WDR77: variants seen among roughly 807,000 people sequenced by gnomAD.
WDR77 encodes methylosome protein WDR77.
A neutral mutation model predicts 44.0 loss-of-function variants in WDR77; 31 were observed. The observed-to-expected ratio is 0.70, with a 90% CI of 0.53 to 0.95. WDR77 has a LOEUF of 0.95. WDR77 is among the 40% of genes least tolerant of loss of function. The pLI, the probability that WDR77 is intolerant of heterozygous loss-of-function variation, is 0.00. For missense variants in WDR77, 390 were observed against 423.9 expected (o/e 0.92, Z 0.70); for synonymous variants, 186 against 165.7 (o/e 1.12, Z -0.94).
At chr1:111,447,923 C>T (rs1277167097) in intron 2 of WDR77, among the ~76,000 whole-genome samples, 1 of 152,354 alleles carries the variant, frequency 6.6e-6, no homozygotes, top group East Asian at 1.9e-4. Context: ...AAGCAGCACA[C>T]TATCCAGTGA....
chr1:111,442,455 A>G (rs1652854016), intron 8 of WDR77, among the ~76,000 whole-genome samples, 198 bp downstream of exon 8: 1 of 152,142 alleles, frequency 6.6e-6, no homozygotes, highest in Admixed American at 6.5e-5. Flanking sequence ...TCAGACAGAA[A>G]CCATCTAATC....
At position 111,441,994 on chromosome 1, in the gene WDR77, T is replaced by C. The variant is rs758195695; in HGVS notation, c.869+31A>G. On this transcript the variant is annotated intron_variant, in intron 9 of 9. Transcript: ENST00000235090. ...TCGCCCACCCACTGCTCCCCTTCCCTGATTCCCAAAGGATTCCACTTCACA... is the reference window on the plus strand; with the variant it reads ...TCGCCCACCCACTGCTCCCCTTCCCCGATTCCCAAAGGATTCCACTTCACA... 9.3e-6 allele frequency: 15 copies of C among 1,606,290 alleles called. No homozygotes were observed. The East Asian group carries it at 2.9e-4, about 31-fold the overall frequency.
Position 111,448,627 on chromosome 1 carries a change from G to T in WDR77, c.293C>A (p.Ser98Tyr), listed in dbSNP as rs2101749787. 1 of 1,614,124 alleles carries T rather than the reference G, an allele frequency of 6.2e-7. No individual in the cohort carries two copies. The highest frequency in any genetic ancestry group is 1.1e-5 in the South Asian group (1 of 91,076). ...ATGGGATAGTGACTCACCTGAATCG[G>T]AGGCCACTAGAATACCTCTCTCCCC... The part of the protein sequence containing the change: ...WVGERGILVA[S>Y]DSGAVELWEL... Residue 98 changes from serine to tyrosine, a missense_variant, in exon 2 of 10, where the codon TCC becomes TAC. Coordinates refer to ENST00000235090, the MANE Select transcript of WDR77 (RefSeq NM_024102.4).
chr1:111,449,215 G>A lies in WDR77; in HGVS notation c.-46C>T, dbSNP rs751741504. ...CCTAGACTCAAACTGGACGCCGGCC[G>A]GAGACTCCGCTCCGGCAGCAAACCC... On this transcript the variant is annotated 5_prime_UTR_variant, in exon 1 of 10. Transcript: ENST00000235090. 3.3e-6 allele frequency: 5 copies of A among 1,537,720 alleles called. No individual in the cohort carries two copies. Among genetic ancestry groups the A allele is most frequent in the South Asian group, 1.2e-5 (1 of 84,452 alleles).
chr1:111,443,375 G>A lies in WDR77; in HGVS notation c.639C>T (p.Tyr213=). ...ASQIGCSAPG[Y]LPTSLAWHPQ... is the part of the protein sequence containing the mutation. Reference sequence around the variant, plus strand: ...GATGCCAAGCCAGCGAGGTAGGAAGGTAGCCAGGCGCACTGCAGCCTGCAA... The same window carrying A: ...GATGCCAAGCCAGCGAGGTAGGAAGATAGCCAGGCGCACTGCAGCCTGCAA... The change falls in exon 7 of 10, where the codon TAC becomes TAT. Residue 213 remains tyrosine, a synonymous_variant. Coordinates refer to ENST00000235090, the MANE Select transcript of WDR77 (RefSeq NM_024102.4). The A allele has an allele frequency of 6.4e-7, 1 of 1,552,472 alleles. No individual in the cohort carries two copies. Among genetic ancestry groups the A allele is most frequent in the Non-Finnish European group, 8.7e-7 (1 of 1,147,344 alleles).
At chr1:111,443,825 G>A (rs1652911422) in intron 6 of WDR77, 42 bp downstream of exon 6, 1 of 1,613,426 alleles carries the variant, frequency 6.2e-7, no homozygotes, top group Non-Finnish European at 8.5e-7. Context: ...CTTCTATCAG[G>A]GTTCCAAGTA....
intron 9 of WDR77, chr1:111,441,703 T>G: frequency 1.3e-6 from 1 of 758,088 alleles, no homozygotes; most frequent in Non-Finnish European, 1.9e-6. Flanking sequence ...CCTTTTACCC[T>G]GTAGCAGGCT....
chr1:111,443,308 G>T lies in WDR77; in HGVS notation c.691+15C>A. 1 of 1,551,030 alleles carries T rather than the reference G, an allele frequency of 6.4e-7. No individual in the cohort carries two copies. Among genetic ancestry groups the T allele is most frequent in the South Asian group, 1.2e-5 (1 of 83,988 alleles). On this transcript the variant is annotated intron_variant, in intron 7 of 9. Coordinates refer to ENST00000235090, the MANE Select transcript of WDR77 (RefSeq NM_024102.4). ...CTTTCCCAGAGTCAATATGAAGTCT[G>T]ACACGCTGCCTTACCAAAGACAAAG... is the stretch of plus-strand genomic sequence containing the variant.
At chr1:111,443,987 T>TC in intron 5 of WDR77, 66 bp from the exon 6 acceptor site, 1 of 1,613,488 alleles carries the variant, frequency 6.2e-7, no homozygotes, top group Non-Finnish European at 8.5e-7. Context: ...CCAGAAAGTC[T>TC]CCCCACTAGA....
chr1:111,447,470 A>G lies in WDR77; in HGVS notation c.408T>C (p.Ser136=), dbSNP rs369318733. Residue 136 remains serine (S), a synonymous_variant, in exon 3 of 10, where the codon TCT becomes TCC. Coordinates refer to ENST00000235090, the MANE Select transcript of WDR77 (RefSeq NM_024102.4). ...TGCTACCACTGACAGCTTGTGTGCCAGAGCTCAAGACACTGACTGTAGACA... is the reference window on the plus strand; with the variant it reads ...TGCTACCACTGACAGCTTGTGTGCCGGAGCTCAAGACACTGACTGTAGACA... ...DIVSTVSVLS[S]GTQAVSGSKD... The G allele has an allele frequency of 4.4e-5, 71 of 1,614,106 alleles. No homozygotes were observed. Among genetic ancestry groups the G allele is most frequent in the Non-Finnish European group, 5.8e-5 (69 of 1,180,040 alleles).
intron 4 of WDR77, among the ~76,000 whole-genome samples, chr1:111,445,967 G>A (rs1011229148): frequency 6.6e-6 from 1 of 152,088 alleles, no homozygotes; most frequent in Admixed American, 6.5e-5. Context: ...TCAAGGTTTC[G>A]GCATGTTGGC....
At position 111,448,661 on chromosome 1, in the gene WDR77, T is replaced by C. The variant is rs200073185; in HGVS notation, c.259A>G (p.Thr87Ala). The C allele has an allele frequency of 1.2e-6, 2 of 1,614,054 alleles. No individual in the cohort carries two copies. Among genetic ancestry groups the C allele is most frequent in the Non-Finnish European group, 1.7e-6 (2 of 1,180,004 alleles). ...VQTEAGVADL[T>A]WVGERGILVA... Reference sequence around the variant, plus strand: ...AGAATACCTCTCTCCCCAACCCAAGTGAGGTCAGCCACTCCAGCCTCCGTT... The same window carrying C: ...AGAATACCTCTCTCCCCAACCCAAGCGAGGTCAGCCACTCCAGCCTCCGTT... Residue 87 changes from threonine to alanine, a missense_variant, in exon 2 of 10, where the codon ACT becomes GCT. Physicochemically the swap from Thr to Ala is moderately conservative, Grantham distance 58. Coordinates refer to ENST00000235090, the MANE Select transcript of WDR77 (RefSeq NM_024102.4).
At chr1:111,443,260 A>G (rs1652885410) in intron 7 of WDR77, 63 bp downstream of exon 7, 1 of 1,480,606 alleles carries the variant, frequency 6.8e-7, no homozygotes, top group Non-Finnish European at 9.2e-7. Flanking sequence ...TTGTGGAGTC[A>G]GCTCTTTCTT....
In WDR77 at chr1:111,449,203, T is replaced by C; in HGVS notation, c.-34A>G. The C allele has an allele frequency of 6.5e-7, 1 of 1,543,958 alleles. No homozygotes were observed. Among genetic ancestry groups the C allele is most frequent in the Non-Finnish European group, 8.7e-7 (1 of 1,150,752 alleles). On this transcript the variant is annotated 5_prime_UTR_variant, in exon 1 of 10. Transcript: ENST00000235090. ...TTCCAACTCCAACCTAGACTCAAAC[T>C]GGACGCCGGCCGGAGACTCCGCTCC...
At chr1:111,447,767 CT>C (rs1229951709) in intron 2 of WDR77, among the ~76,000 whole-genome samples, 191 bp from the exon 3 acceptor site, 1 of 152,150 alleles carries the variant, frequency 6.6e-6, no homozygotes, top group Non-Finnish European at 1.5e-5. Flanking sequence ...TACTGTTTTC[CT>C]AATGACAGCC....
At chr1:111,442,792 T>A in intron 7 of WDR77, 31 bp from the exon 8 acceptor site, 1 of 1,458,266 alleles carries the variant, frequency 6.9e-7, no homozygotes, top group South Asian at 1.4e-5. Context: ...GTCATAGTGA[T>A]TAAGAGCATG....
At chr1:111,441,560 A>C in intron 9 of WDR77, 171 bp from the exon 10 acceptor site, 5 of 1,303,204 alleles carry the variant, frequency 3.8e-6, no homozygotes, top group Non-Finnish European at 4.9e-6. Context: ...AGTGGATGTC[A>C]TCAGTCATCC....
intron 4 of WDR77, among the ~76,000 whole-genome samples, chr1:111,446,082 C>T (rs1374622303): frequency 6.6e-6 from 1 of 152,186 alleles, no homozygotes; most frequent in Non-Finnish European, 1.5e-5. Context: ...GGGCATTCAA[C>T]ATTATTGTAA....
chr1:111,447,517 T>C lies in WDR77; in HGVS notation c.361A>G (p.Lys121Glu), dbSNP rs932292260. ...NETLIVSKFC[K>E]YEHDDIVSTV... ...GACACAATGTCATCATGCTCATACT[T>C]GCAGAACTTGCTGACAATAAGTGTC... Residue 121 changes from lysine (K) to glutamate (E), a missense_variant, in exon 3 of 10, where the codon AAG (lysine) becomes GAG (glutamate). Lys to Glu is a moderately conservative substitution (Grantham distance 56). Coordinates refer to ENST00000235090, the MANE Select transcript of WDR77 (RefSeq NM_024102.4). The C allele has an allele frequency of 1.9e-5, 31 of 1,614,202 alleles. No individual in the cohort carries two copies. Among genetic ancestry groups the C allele is most frequent in the Non-Finnish European group, 2.6e-5 (31 of 1,180,032 alleles).
Sources: gnomAD v4.1 joint callset for allele counts (sites outside exome capture counted in the v4.1 genomes callset) on GRCh38, gnomAD v4.1.1 for gene constraint, MANE v1.5 for transcripts, NCBI Gene and HGNC (gene_info 2026-07-23, HGNC 2026-07-21) for gene names.